The following KCNC1 variants were observed in gnomAD, a reference collection of about 807,000 sequenced individuals.
KCNC1 encodes potassium voltage-gated channel subfamily C member 1.
Under a neutral mutation model 43.4 loss-of-function variants are expected in KCNC1, and 8 were observed. That is an observed-to-expected ratio of 0.18 (90% CI 0.11 to 0.33). The LOEUF is 0.33. Ranked by LOEUF, KCNC1 falls within the 10% of genes least tolerant of loss-of-function variation. KCNC1 has a pLI of 1.00. For missense variants in KCNC1, 420 were observed against 836.0 expected (o/e 0.50, Z 6.14); for synonymous variants, 361 against 360.5 (o/e 1.00, Z -0.01).
At chr11:17,744,503 G>T (rs1291427834) in intron 1 of KCNC1, among the ~76,000 whole-genome samples, 1 of 152,122 alleles carries the variant, frequency 6.6e-6, no homozygotes, top group African/African-American at 2.4e-5. Flanking sequence ...CAGCCCTCTG[G>T]CAGGCACAGA....
chr11:17,741,844 G>A (rs1017628592), intron 1 of KCNC1, among the ~76,000 whole-genome samples: 34 of 152,134 alleles, frequency 2.2e-4, no homozygotes, highest in African/African-American at 6.8e-4. Context: ...CTTCTGGAGC[G>A]CTCTTTCCTC....
Position 17,777,267 on chromosome 11 carries a change from C to A in KCNC1, c.1505-2189C>A. On this transcript the variant is annotated intron_variant, in intron 2 of 3. Transcript: ENST00000265969. This position sits in a 1 kb window ranked among gnomAD's most constrained non-coding sequence, Gnocchi z 4.3. ...AGAGAAGGCACCCCCCTCTGACCCA[C>A]CCCTCCCCAGGCAAGAACTGCAGGC... 2 of 985,848 alleles carry A rather than the reference C, an allele frequency of 2.0e-6. No individual in the cohort carries two copies. The highest frequency in any genetic ancestry group is 2.4e-6 in the Non-Finnish European group (2 of 830,018). The allele number at this position is 985,848 out of a possible 1,614,324, so 61.1% of individuals were successfully genotyped here. A position where few individuals can be genotyped will look rare whatever the true frequency, so the allele number is the denominator to read the frequency against.
At chr11:17,778,238 C>A (rs1849306650) in intron 2 of KCNC1, among the ~76,000 whole-genome samples, 1 of 152,178 alleles carries the variant, frequency 6.6e-6, no homozygotes, top group Non-Finnish European at 1.5e-5. Context: ...CCAGAGGCTT[C>A]CACGGCTCTG....
intron 1 of KCNC1, among the ~76,000 whole-genome samples, chr11:17,764,874 C>T (rs751372387): frequency 1.3e-5 from 2 of 151,924 alleles, no homozygotes; most frequent in African/African-American, 2.4e-5. Flanking sequence ...CTAAACCCAA[C>T]TCAACTGACA....
intron 1 of KCNC1, among the ~76,000 whole-genome samples, chr11:17,767,989 C>G (rs769747858): frequency 4.6e-5 from 7 of 152,214 alleles, no homozygotes; most frequent in Non-Finnish European, 8.8e-5. Context: ...GAGAGGAGCA[C>G]TTGAGATGAG....
At chr11:17,753,773 A>G (rs1239861288) in intron 1 of KCNC1, among the ~76,000 whole-genome samples, 1 of 152,176 alleles carries the variant, frequency 6.6e-6, no homozygotes, top group Non-Finnish European at 1.5e-5. Flanking sequence ...AGTGATCTCA[A>G]GACGCTGGGA....
chr11:17,769,327 G>C (rs1162319090), intron 1 of KCNC1, among the ~76,000 whole-genome samples: 1 of 151,940 alleles, frequency 6.6e-6, no homozygotes, highest in East Asian at 1.9e-4. Context: ...TGGAAGGGAG[G>C]GATGGAGGGA....
intron 1 of KCNC1, among the ~76,000 whole-genome samples, chr11:17,761,577 A>T (rs149786773): frequency 0.029 from 4,440 of 152,300 alleles, 94 homozygotes; most frequent in Middle Eastern, 0.051. Context: ...TTACTAGGCC[A>T]TAGGCATATG....
In KCNC1 at chr11:17,740,892, G is replaced by A. The variant is rs764588175; in HGVS notation, c.570+4320G>A. 3.9e-5 allele frequency among the ~76,000 whole-genome samples: 6 copies of A among 152,122 alleles called. 1 individual carries two copies. Among genetic ancestry groups the A allele is most frequent in the African/African-American group, 4.8e-5 (2 of 41,392 alleles). On this transcript the variant is annotated intron_variant, in intron 1 of 3. Transcript: ENST00000265969. ...TTTACCTGGTGGCGGGAAATAAAGCGCCCAGCCAGAGGCTTCTGTTCCTCC... is the reference window on the plus strand; with the variant it reads ...TTTACCTGGTGGCGGGAAATAAAGCACCCAGCCAGAGGCTTCTGTTCCTCC...
chr11:17,736,117 G>C lies in KCNC1; in HGVS notation c.115G>C (p.Glu39Gln). ...CGGCACGCGGCTCGCCTGGCTGGCG[G>C]AGCCCGACGCCCACAGCCACTTCGA... ...LPGTRLAWLAEPDAHSHFDYD... is the reference protein window; with the variant it reads ...LPGTRLAWLAQPDAHSHFDYD... Residue 39 changes from glutamate (E) to glutamine (Q), a missense_variant, in exon 1 of 4, where the codon GAG (glutamate) becomes CAG (glutamine). By Grantham distance (29) the Glu-to-Gln change is conservative. Transcript: ENST00000265969. The surrounding 1 kb of genome is among the most constrained non-coding windows in gnomAD (Gnocchi z 9.3). 1 of 1,610,688 alleles carries C rather than the reference G, an allele frequency of 6.2e-7. No homozygotes were observed. The highest frequency in any genetic ancestry group is 8.5e-7 in the Non-Finnish European group (1 of 1,178,900).
intron 1 of KCNC1, among the ~76,000 whole-genome samples, chr11:17,758,882 T>C (rs1849047819): frequency 6.6e-6 from 1 of 152,226 alleles, no homozygotes; most frequent in African/African-American, 2.4e-5. Flanking sequence ...CACAGAGTGG[T>C]AAGTGAGTAT....
chr11:17,763,711 C>CAA (rs1482931412), intron 1 of KCNC1, among the ~76,000 whole-genome samples: 2 of 127,148 alleles, frequency 1.6e-5, no homozygotes, highest in Admixed American at 8.9e-5. Context: ...CACCCACACA[C>CAA]ACCCCCACAC....
chr11:17,751,258 G>A (rs929394163), intron 1 of KCNC1, among the ~76,000 whole-genome samples: 1 of 152,174 alleles, frequency 6.6e-6, no homozygotes. Context: ...TGAGGTAGTG[G>A]GAGAGACCGA....
intron 1 of KCNC1, among the ~76,000 whole-genome samples, chr11:17,755,042 T>C (rs1453833261): frequency 2.0e-5 from 3 of 151,988 alleles, no homozygotes; most frequent in Non-Finnish European, 4.4e-5. Flanking sequence ...GAGGTGTTGG[T>C]TGAGACTTGA....
intron 1 of KCNC1, among the ~76,000 whole-genome samples, chr11:17,767,754 C>T (rs1849170493): frequency 6.6e-6 from 1 of 152,178 alleles, no homozygotes; most frequent in Admixed American, 6.5e-5. Context: ...GCCCAGGGAG[C>T]CTGAGCAGTG....
At position 17,777,046 on chromosome 11, in the gene KCNC1, A is replaced by AT. The variant is rs1849295709; in HGVS notation, c.1505-2409dup. On this transcript the variant is annotated intron_variant, in intron 2 of 3. Coordinates refer to ENST00000265969, the MANE Select transcript of KCNC1 (RefSeq NM_001112741.2). This position sits in a 1 kb window ranked among gnomAD's most constrained non-coding sequence, Gnocchi z 4.3. ...CAGGAGGGAAAGGTGCCAGGCTATCATCCCTCCAGGGATCCCTGATGGATG... is the reference window on the plus strand; with the variant it reads ...CAGGAGGGAAAGGTGCCAGGCTATCATTCCCTCCAGGGATCCCTGATGGATG... The AT allele has an allele frequency of 1.0e-6, 1 of 985,132 alleles. No homozygotes were observed. The highest frequency in any genetic ancestry group is 1.7e-5 in the African/African-American group (1 of 57,150). 61.0% of individuals were successfully genotyped at this position (985,132 alleles called of 1,614,324 possible).
chr11:17,773,218 C>T lies in KCNC1; in HGVS notation c.1504+620C>T, dbSNP rs185107777. 5 of 985,960 alleles carry T rather than the reference C, an allele frequency of 5.1e-6. No individual in the cohort carries two copies. Among genetic ancestry groups the T allele is most frequent in the Admixed American group, 6.1e-5 (1 of 16,312 alleles). The allele number at this position is 985,960 out of a possible 1,614,324, so 61.1% of individuals were successfully genotyped here. The stretch of plus-strand genomic sequence containing the variant: ...TTCCCAGGAGACGCCTGTAGCCCTC[C>T]GTGACAAGCTTACTTACCCCATAGC... On this transcript the variant is annotated intron_variant, in intron 2 of 3. Coordinates refer to ENST00000265969, the MANE Select transcript of KCNC1 (RefSeq NM_001112741.2). The surrounding 1 kb of genome is among the most constrained non-coding windows in gnomAD (Gnocchi z 4.1).
chr11:17,748,053 A>G (rs914961746), intron 1 of KCNC1, among the ~76,000 whole-genome samples: 3 of 152,270 alleles, frequency 2.0e-5, no homozygotes, highest in Non-Finnish European at 4.4e-5. Flanking sequence ...GGTGCTGCTC[A>G]AGAAGCTGAG....
chr11:17,747,635 G>T (rs1485641902), intron 1 of KCNC1, among the ~76,000 whole-genome samples: 1 of 152,190 alleles, frequency 6.6e-6, no homozygotes, highest in Non-Finnish European at 1.5e-5. Flanking sequence ...GCCAGCCTGG[G>T]TGGGGACGAG....
Sources: allele counts gnomAD v4.1 joint callset (sites outside exome capture counted in the v4.1 genomes callset), GRCh38; gene constraint gnomAD v4.1.1; non-coding constraint Gnocchi (gnomAD v3.1); transcripts MANE v1.5; gene names NCBI Gene and HGNC (gene_info 2026-07-23, HGNC 2026-07-21).